Variants in MCU observed in about 807,000 individuals in gnomAD.
MCU encodes the protein calcium uniporter protein, mitochondrial.
Under a neutral mutation model 45.2 loss-of-function variants are expected in MCU, and 12 were observed. The ratio of observed to expected loss-of-function variants is 0.27; its 90% confidence interval spans 0.17 to 0.43. The LOEUF (loss-of-function observed/expected upper bound fraction) is 0.43, where lower values mean the gene tolerates loss of function less well. MCU is among the 20% of genes least tolerant of loss of function. The pLI, the probability that MCU is intolerant of heterozygous loss-of-function variation, is 1.00. For synonymous variants in MCU, 160 were observed against 165.1 expected, an observed-to-expected ratio of 0.97 and a Z score of 0.24; for missense variants, 324 against 436.7, an observed-to-expected ratio of 0.74 and a Z score of 2.30.
intron 1 of MCU, among the ~76,000 whole-genome samples, chr10:72,782,784 C>T (rs536427584): frequency 6.6e-6 from 1 of 152,344 alleles, no homozygotes; most frequent in Admixed American, 6.5e-5. Context: ...TAGTTTCTTG[C>T]ATATAGGGCT....
chr10:72,703,653 C>T (rs1258454136), intron 1 of MCU, among the ~76,000 whole-genome samples: 1 of 152,074 alleles, frequency 6.6e-6, no homozygotes, highest in Non-Finnish European at 1.5e-5. Context: ...ACCTGTAATC[C>T]CAGCACTTTG....
chr10:72,835,612 A>G lies in MCU; in HGVS notation c.220+1184A>G, dbSNP rs78025355. 5.3e-3 allele frequency among the ~76,000 whole-genome samples: 813 copies of G among 152,298 alleles called. 5 individuals are homozygous for G. The highest frequency in any genetic ancestry group is 0.019 in the African/African-American group (770 of 41,558). The stretch of plus-strand genomic sequence containing the variant: ...CCAAAGCTGTTACGTGAATTTATAG[A>G]CAGTGTGCTCATATTTGCCAAATCT... On this transcript the variant is annotated intron_variant, in intron 2 of 7. Coordinates refer to ENST00000373053, the MANE Select transcript of MCU (RefSeq NM_138357.3).
intron 6 of MCU, among the ~76,000 whole-genome samples, chr10:72,873,265 G>A (rs562157701): frequency 1.6e-4 from 24 of 152,062 alleles, no homozygotes; most frequent in Non-Finnish European, 2.5e-4. Flanking sequence ...TGATCCACCT[G>A]CCTCGGCCTC....
chr10:72,881,005 T>C (rs1845693177), intron 6 of MCU, among the ~76,000 whole-genome samples: 1 of 152,116 alleles, frequency 6.6e-6, no homozygotes, highest in Non-Finnish European at 1.5e-5. Context: ...GTCGTGCACC[T>C]GTAGGTACGA....
rs540412900 is a variant in MCU at position 72,767,654 on chromosome 10, A to G, written c.151-66705A>G. Among the ~76,000 whole-genome samples the G allele has an allele frequency of 1.3e-4, 20 of 152,110 alleles. No homozygotes were observed. The South Asian group carries it at 3.1e-3, about 24-fold the overall frequency. On this transcript the variant is annotated intron_variant, in intron 1 of 7. Coordinates refer to ENST00000373053, the MANE Select transcript of MCU (RefSeq NM_138357.3). ...CAATTCTTTGCGCCTGACCCATTTC[A>G]GCTCTCTTGTCTCTGCGTGTTAGGT... is the stretch of plus-strand genomic sequence containing the variant.
At chr10:72,697,426 ATTTTTTTTTTTTTTT>A (rs1001610262) in intron 1 of MCU, among the ~76,000 whole-genome samples, 1 of 64,126 alleles carries the variant, frequency 1.6e-5, no homozygotes, top group South Asian at 5.2e-4. Context: ...CCAGACTTCT[ATTTTTTTTTTTTTTT>A]TTTTTTTTTT....
intron 6 of MCU, among the ~76,000 whole-genome samples, chr10:72,878,612 A>AT (rs1452018289): frequency 1.3e-5 from 2 of 152,198 alleles, no homozygotes; most frequent in African/African-American, 4.8e-5. Flanking sequence ...AGATAACTTG[A>AT]TTTTTTGTTT....
In MCU at chr10:72,760,021, T is replaced by C. The variant is rs182629141; in HGVS notation, c.150+67720T>C. On this transcript the variant is annotated intron_variant, in intron 1 of 7. Transcript: ENST00000373053. ...AGACTGAGATACTCCTGATGCTACA[T>C]TATTTTTAAATTCTGTAAAACTTTA... Among the ~76,000 whole-genome samples, 335 of 148,218 alleles carry C rather than the reference T, an allele frequency of 2.3e-3. 3 individuals carry two copies. The highest frequency in any genetic ancestry group is 6.7e-3 in the Admixed American group (98 of 14,712).
At chr10:72,881,834 C>T (rs1845705971) in intron 6 of MCU, among the ~76,000 whole-genome samples, 1 of 152,162 alleles carries the variant, frequency 6.6e-6, no homozygotes, top group Non-Finnish European at 1.5e-5. Context: ...TGTACATCCA[C>T]ACAAAAACTT....
At chr10:72,797,300 T>C (rs185799309) in intron 1 of MCU, among the ~76,000 whole-genome samples, 1 of 151,620 alleles carries the variant, frequency 6.6e-6, no homozygotes, top group Admixed American at 6.6e-5. Context: ...TTTGGCTCAC[T>C]GCAACCTCCA....
intron 1 of MCU, among the ~76,000 whole-genome samples, chr10:72,825,332 C>G (rs1211921700): frequency 6.6e-6 from 1 of 152,144 alleles, no homozygotes; most frequent in Admixed American, 6.6e-5. Flanking sequence ...TTTCTCTCTA[C>G]CTATGTACAT....
At chr10:72,880,114 C>T (rs1288223733) in intron 6 of MCU, among the ~76,000 whole-genome samples, 1 of 152,168 alleles carries the variant, frequency 6.6e-6, no homozygotes, top group Non-Finnish European at 1.5e-5. Flanking sequence ...GGTAAATAGA[C>T]TTAAAATGTT....
At chr10:72,793,261 T>A (rs1425809812) in intron 1 of MCU, among the ~76,000 whole-genome samples, 1 of 152,174 alleles carries the variant, frequency 6.6e-6, no homozygotes, top group African/African-American at 2.4e-5. Flanking sequence ...AGGGAGAGCC[T>A]GCCTCAAATC....
intron 2 of MCU, among the ~76,000 whole-genome samples, chr10:72,844,878 A>G (rs536344811): frequency 6.6e-6 from 1 of 152,276 alleles, no homozygotes; most frequent in African/African-American, 2.4e-5. Context: ...GAGTTATACC[A>G]TGTTAATAGA....
At chr10:72,724,387 C>G (rs1843069045) in intron 1 of MCU, among the ~76,000 whole-genome samples, 1 of 152,152 alleles carries the variant, frequency 6.6e-6, no homozygotes, top group Non-Finnish European at 1.5e-5. Flanking sequence ...TTGCTGTGAA[C>G]TAAAACTCAT....
At chr10:72,806,421 A>T (rs567931702) in intron 1 of MCU, among the ~76,000 whole-genome samples, 224 of 152,268 alleles carry the variant, frequency 1.5e-3, no homozygotes, top group Admixed American at 4.4e-3. Flanking sequence ...TGGCCTCCCA[A>T]AGTGCTGGAA....
At chr10:72,779,524 A>T (rs11000410) in intron 1 of MCU, among the ~76,000 whole-genome samples, 6,966 of 152,264 alleles carry the variant, frequency 0.046, 276 homozygotes, top group East Asian at 0.21. Flanking sequence ...ATATTTGCAG[A>T]TCATTTATTT....
intron 1 of MCU, among the ~76,000 whole-genome samples, chr10:72,727,669 G>GT (rs1843118931): frequency 6.6e-6 from 1 of 151,950 alleles, no homozygotes; most frequent in African/African-American, 2.4e-5. Context: ...GCAGTAGGAA[G>GT]TTTTTTTTGA....
intron 1 of MCU, among the ~76,000 whole-genome samples, chr10:72,762,330 A>C (rs1843667450): frequency 6.6e-6 from 1 of 152,184 alleles, no homozygotes; most frequent in Non-Finnish European, 1.5e-5. Context: ...ACTATTCCAA[A>C]AGACTGAGAA....
Sources: gnomAD v4.1 joint callset for allele counts (sites outside exome capture counted in the v4.1 genomes callset) on GRCh38, gnomAD v4.1.1 for gene constraint, MANE v1.5 for transcripts, NCBI Gene and HGNC (gene_info 2026-07-23, HGNC 2026-07-21) for gene names.